Variants in GNA14 observed in about 807,000 individuals in gnomAD.
GNA14 encodes the protein guanine nucleotide-binding protein subunit alpha-14.
A neutral mutation model predicts 42.0 loss-of-function variants in GNA14; 50 were observed. That is an observed-to-expected ratio of 1.19 (90% CI 0.95 to 1.51). GNA14 has a LOEUF of 1.51. Among genes scored for constraint, GNA14 ranks in the 40% most tolerant of loss-of-function variants. The pLI, the probability that GNA14 is intolerant of heterozygous loss-of-function variation, is 0.00. For synonymous variants in GNA14, 173 were observed against 163.1 expected (o/e 1.06, Z -0.46); for missense variants, 473 against 446.2 (o/e 1.06, Z -0.54).
At chr9:77,475,472 T>C (rs996824564) in intron 2 of GNA14, among the ~76,000 whole-genome samples, 1 of 152,130 alleles carries the variant, frequency 6.6e-6, no homozygotes, top group Non-Finnish European at 1.5e-5. Flanking sequence ...ATCCTGGGGA[T>C]GAATGTGGGG....
At chr9:77,540,320 T>C (rs565240195) in intron 1 of GNA14, among the ~76,000 whole-genome samples, 40 of 152,138 alleles carry the variant, frequency 2.6e-4, no homozygotes, top group Non-Finnish European at 3.7e-4. Context: ...TTTTATTCCA[T>C]TGTGGTCTGA....
At chr9:77,606,319 T>C (rs753712650) in intron 1 of GNA14, among the ~76,000 whole-genome samples, 4 of 152,210 alleles carry the variant, frequency 2.6e-5, no homozygotes, top group Non-Finnish European at 5.9e-5. Flanking sequence ...TTCTCATCTT[T>C]TAAGTGTAAG....
At chr9:77,477,814 GA>G (rs1836458049) in intron 2 of GNA14, among the ~76,000 whole-genome samples, 2 of 152,062 alleles carry the variant, frequency 1.3e-5, no homozygotes, top group African/African-American at 2.4e-5. Context: ...CATAAAAAAG[GA>G]AGAATTGGAG....
At chr9:77,472,463 G>GA (rs1044652794) in intron 2 of GNA14, among the ~76,000 whole-genome samples, 1 of 152,062 alleles carries the variant, frequency 6.6e-6, no homozygotes, top group Admixed American at 6.6e-5. Flanking sequence ...GGCATCCAGA[G>GA]AAAAAGGGAA....
At chr9:77,625,619 C>T (rs763739484) in intron 1 of GNA14, among the ~76,000 whole-genome samples, 1 of 152,156 alleles carries the variant, frequency 6.6e-6, no homozygotes, top group Non-Finnish European at 1.5e-5. Flanking sequence ...CCCAGAATTT[C>T]ATATCCAGCC....
chr9:77,599,113 G>A (rs1823512450), intron 1 of GNA14, among the ~76,000 whole-genome samples: 1 of 152,130 alleles, frequency 6.6e-6, no homozygotes, highest in Non-Finnish European at 1.5e-5. Context: ...TACTCACTTG[G>A]AAGGGTCAGG....
intron 1 of GNA14, among the ~76,000 whole-genome samples, chr9:77,606,549 TG>T (rs1304103970): frequency 6.6e-6 from 1 of 152,180 alleles, no homozygotes; most frequent in African/African-American, 2.4e-5. Flanking sequence ...CTGAAATCTG[TG>T]TTTAGATGCT....
chr9:77,615,044 A>G (rs1291052745), intron 1 of GNA14, among the ~76,000 whole-genome samples: 1 of 152,232 alleles, frequency 6.6e-6, no homozygotes, highest in African/African-American at 2.4e-5. Context: ...TATGTTTGTC[A>G]GTCTTGCTTT....
Position 77,584,252 on chromosome 9 carries a change from G to T in GNA14, c.125-54999C>A, listed in dbSNP as rs191764795. Among the ~76,000 whole-genome samples, 847 of 152,234 alleles carry T rather than the reference G, an allele frequency of 5.6e-3. 3 individuals are homozygous for T. Among genetic ancestry groups the T allele is most frequent in the Non-Finnish European group, 9.4e-3 (637 of 68,016 alleles). On this transcript the variant is annotated intron_variant, in intron 1 of 6. Coordinates refer to ENST00000341700, the MANE Select transcript of GNA14 (RefSeq NM_004297.4). ...TCAAAATGATAATAAAGATTATTTG[G>T]AATATAGGCTTATAGTCATCTTTAA...
At chr9:77,647,523 C>T in intron 1 of GNA14, 147 bp downstream of exon 1, 1 of 889,414 alleles carries the variant, frequency 1.1e-6, no homozygotes, top group Non-Finnish European at 1.7e-6. Context: ...CCCCAAGTTG[C>T]TGGCATCCGT....
At chr9:77,582,819 C>T (rs547875888) in intron 1 of GNA14, among the ~76,000 whole-genome samples, 33 of 152,260 alleles carry the variant, frequency 2.2e-4, no homozygotes, top group Middle Eastern at 3.4e-3. Context: ...TCTGTATTTG[C>T]CACAAGACAT....
intron 2 of GNA14, among the ~76,000 whole-genome samples, chr9:77,460,801 C>T: frequency 6.6e-6 from 1 of 152,162 alleles, no homozygotes; most frequent in East Asian, 1.9e-4. Context: ...TGCATTATCA[C>T]CATCACAGGC....
intron 2 of GNA14, among the ~76,000 whole-genome samples, chr9:77,492,182 C>CA (rs1488687019): frequency 1.4e-4 from 22 of 151,952 alleles, no homozygotes; most frequent in Non-Finnish European, 2.6e-4. Flanking sequence ...ACATCTATAG[C>CA]AATAAATGAC....
chr9:77,553,308 G>T (rs1837808342), intron 1 of GNA14, among the ~76,000 whole-genome samples: 2 of 152,082 alleles, frequency 1.3e-5, no homozygotes, highest in Non-Finnish European at 2.9e-5. Flanking sequence ...ATGTGTGGCA[G>T]GCACTACACT....
At chr9:77,515,820 C>G (rs921015961) in intron 2 of GNA14, among the ~76,000 whole-genome samples, 1 of 151,460 alleles carries the variant, frequency 6.6e-6, no homozygotes, top group African/African-American at 2.4e-5. Flanking sequence ...AAAAATTAGC[C>G]AGGCCTGGGG....
chr9:77,618,824 G>A (rs1450240163), intron 1 of GNA14, among the ~76,000 whole-genome samples: 1 of 147,998 alleles, frequency 6.8e-6, no homozygotes, highest in Non-Finnish European at 1.5e-5. Flanking sequence ...TAGTAGAGAC[G>A]GGGTTTCACC....
chr9:77,493,091 C>A (rs1473783049), intron 2 of GNA14, among the ~76,000 whole-genome samples: 1 of 145,528 alleles, frequency 6.9e-6, no homozygotes, highest in Admixed American at 6.9e-5. Flanking sequence ...AGCCAGCAGT[C>A]CTGGCACTCA....
intron 1 of GNA14, among the ~76,000 whole-genome samples, chr9:77,623,067 T>C (rs28436030): frequency 0.017 from 2,535 of 150,278 alleles, 83 homozygotes; most frequent in African/African-American, 0.058. Flanking sequence ...ATAGAAAAAT[T>C]AGCCAGGTGT....
chr9:77,532,364 C>T (rs1425543886), intron 1 of GNA14, among the ~76,000 whole-genome samples: 1 of 152,170 alleles, frequency 6.6e-6, no homozygotes, highest in Non-Finnish European at 1.5e-5. Flanking sequence ...GATTTCAATC[C>T]CTGGAACTTT....
Sources: allele counts gnomAD v4.1 joint callset (sites outside exome capture counted in the v4.1 genomes callset), GRCh38; gene constraint gnomAD v4.1.1; transcripts MANE v1.5; gene names NCBI Gene and HGNC (gene_info 2026-07-23, HGNC 2026-07-21).